Variants in YJEFN3 observed in about 807,000 individuals in gnomAD.
The protein encoded by YJEFN3 is YjeF N-terminal domain containing 3.
A neutral mutation model predicts 31.5 loss-of-function variants in YJEFN3; 29 were observed. The ratio of observed to expected loss-of-function variants is 0.92; its 90% CI spans 0.69 to 1.26. YJEFN3 has a LOEUF of 1.26. Among genes scored for constraint, YJEFN3 ranks in the 50% most tolerant of loss-of-function variants. The pLI is 0.00. For synonymous variants in YJEFN3, 227 were observed against 196.1 expected (o/e 1.16, Z -1.32); for missense variants, 442 against 425.4 (o/e 1.04, Z -0.34).
intron 3 of YJEFN3, chr19:19,533,780 C>G: frequency 1.0e-6 from 1 of 985,384 alleles, no homozygotes; most frequent in South Asian, 4.7e-5. Flanking sequence ...AAATCAAAAC[C>G]CCAGAAAGAA....
At chr19:19,533,378 C>T in intron 3 of YJEFN3, 3 of 985,990 alleles carry the variant, frequency 3.0e-6, no homozygotes, top group Non-Finnish European at 3.6e-6. Flanking sequence ...CTGTCCCATA[C>T]AGTCGAGGCT....
chr19:19,536,066 G>A, intron 6 of YJEFN3: 1 of 509,916 alleles, frequency 2.0e-6, no homozygotes, highest in East Asian at 3.5e-5. Context: ...CCTCCGTGGG[G>A]GTGGCTGGAC....
chr19:19,528,950 C>T lies in YJEFN3; in HGVS notation c.18C>T (p.Gly6=). 1 of 1,549,556 alleles carries T rather than the reference C, an allele frequency of 6.5e-7. No homozygotes were observed. Among genetic ancestry groups the T allele is most frequent in the Non-Finnish European group, 8.7e-7 (1 of 1,146,568 alleles). The change falls in exon 1 of 7, where the codon GGC becomes GGT. Residue 6 remains glycine (G), a synonymous_variant. Coordinates refer to ENST00000514277, the MANE Select transcript of YJEFN3 (RefSeq NM_198537.4). ...CCTCGGCCATGAGCAGCGCAGCCGG[C>T]CCAGACCCGTCGGAGGCGCCCGAAG... MSSAA[G]PDPSEAPEER...
intron 6 of YJEFN3, chr19:19,536,047 C>A: frequency 1.9e-6 from 1 of 521,050 alleles, no homozygotes; most frequent in Non-Finnish European, 3.4e-6. Flanking sequence ...AGCCGCTGGC[C>A]AGCCGGACCC....
intron 3 of YJEFN3, chr19:19,533,160 G>A: frequency 1.0e-6 from 1 of 1,002,464 alleles, no homozygotes; most frequent in Non-Finnish European, 1.2e-6. Context: ...AGAGGGGGAT[G>A]GAAGCAGAGC....
chr19:19,536,396 C>T (rs28553975), intron 6 of YJEFN3, among the ~76,000 whole-genome samples: 11,518 of 152,056 alleles, frequency 0.076, 1,495 homozygotes, highest in African/African-American at 0.26. Context: ...CAAGAGGTGA[C>T]GGAGGCTGGG....
intron 3 of YJEFN3, chr19:19,533,950 CTGCGCTA>C: frequency 1.0e-6 from 1 of 985,616 alleles, no homozygotes; most frequent in Non-Finnish European, 1.2e-6. Context: ...CAGGTCAGGA[CTGCGCTA>C]AGCCTTTGGG....
Position 19,537,460 on chromosome 19 carries a change from T to A in YJEFN3, c.836T>A (p.Val279Glu). The change falls in exon 7 of 7, where the codon GTG becomes GAG. Residue 279 changes from valine to glutamate, a missense_variant. Coordinates refer to ENST00000514277, the MANE Select transcript of YJEFN3 (RefSeq NM_198537.4). Reference protein sequence around the residue: ...FVAGRFVPDDVRRKFALRLPG... With the variant: ...FVAGRFVPDDERRKFALRLPG... ...GCCGGCAGGTTCGTGCCCGATGACG[T>A]GCGCCGCAAGTTCGCTCTGCGCCTG... The A allele has an allele frequency of 6.3e-7, 1 of 1,587,626 alleles. No individual in the cohort carries two copies. Among genetic ancestry groups the A allele is most frequent in the Non-Finnish European group, 8.5e-7 (1 of 1,173,102 alleles).
intron 2 of YJEFN3, among the ~76,000 whole-genome samples, chr19:19,530,581 C>T (rs974587983): frequency 2.0e-5 from 3 of 152,148 alleles, no homozygotes; most frequent in Admixed American, 6.5e-5. Context: ...CACCCTCCTG[C>T]GGGGGCAGCA....
rs1031197156 is a variant in YJEFN3 at position 19,534,125 on chromosome 19, C to T, written c.319-909C>T. On this transcript the variant is annotated intron_variant, in intron 3 of 6. Transcript: ENST00000514277. The surrounding 1 kb of genome is among the most constrained non-coding windows in gnomAD (Gnocchi z 4.6). The stretch of plus-strand genomic sequence containing the variant: ...TCTGGGAGAGAAGGGGCTGGGGCCA[C>T]GCAGAATCAGGGCAGGGCTGGGGCC... 51 of 985,476 alleles carry T rather than the reference C, an allele frequency of 5.2e-5. No individual in the cohort carries two copies. The highest frequency in any genetic ancestry group is 5.8e-5 in the Non-Finnish European group (48 of 830,068). The allele number at this position is 985,476 out of a possible 1,614,324, so 61.0% of individuals were successfully genotyped here. A position where few individuals can be genotyped will look rare whatever the true frequency, so the allele number is the denominator to read the frequency against.
In YJEFN3 at chr19:19,529,410, C is replaced by T; in HGVS notation, c.106C>T (p.Leu36Phe). The change falls in exon 2 of 7, where the codon CTT (leucine) becomes TTT (phenylalanine). Residue 36 changes from leucine to phenylalanine, a missense_variant. By Grantham distance (22) the Leu-to-Phe change is conservative (BLOSUM62 0). Transcript: ENST00000514277. ...PPLADMGRAE[L>F]SSNATTSLVQ... The stretch of plus-strand genomic sequence containing the variant: ...ACTTGCCGACATGGGAAGAGCGGAG[C>T]TTAGCTCAAATGCTACCACCTCCCT... 1 of 1,614,138 alleles carries T rather than the reference C, an allele frequency of 6.2e-7. No individual in the cohort carries two copies. Among genetic ancestry groups the T allele is most frequent in the East Asian group, 2.2e-5 (1 of 44,880 alleles).
At chr19:19,529,121 A>T (rs2061128220) in intron 1 of YJEFN3, 130 bp downstream of exon 1, 2 of 1,479,318 alleles carry the variant, frequency 1.4e-6, no homozygotes, top group African/African-American at 1.4e-5. Context: ...CACAGCCGGG[A>T]TGGAGGTTCA....
chr19:19,528,920 G>C lies in YJEFN3; in HGVS notation c.-13G>C. The C allele has an allele frequency of 6.5e-7, 1 of 1,547,524 alleles. No individual in the cohort carries two copies. Among genetic ancestry groups the C allele is most frequent in the Non-Finnish European group, 8.7e-7 (1 of 1,145,936 alleles). On this transcript the variant is annotated 5_prime_UTR_variant, in exon 1 of 7. Coordinates refer to ENST00000514277, the MANE Select transcript of YJEFN3 (RefSeq NM_198537.4). ...GGTGGCGGCAGCGCCCGGCGCCCGGGCTCACCTCGGCCATGAGCAGCGCAG... is the reference window on the plus strand; with the variant it reads ...GGTGGCGGCAGCGCCCGGCGCCCGGCCTCACCTCGGCCATGAGCAGCGCAG...
In YJEFN3 at chr19:19,534,258, G is replaced by C; in HGVS notation, c.319-776G>C. 2.6e-6 allele frequency: 2 copies of C among 771,808 alleles called. No homozygotes were observed. The highest frequency in any genetic ancestry group is 3.1e-6 in the Non-Finnish European group (2 of 635,698). The allele number at this position is 771,808 out of a possible 1,614,324, so 47.8% of individuals were successfully genotyped here. ...AGACAGCCAGAGACAAATGGAGAGA[G>C]AGACAAATGGAGAAAGAGAGCCAGA... is the stretch of plus-strand genomic sequence containing the variant. On this transcript the variant is annotated intron_variant, in intron 3 of 6. Coordinates refer to ENST00000514277, the MANE Select transcript of YJEFN3 (RefSeq NM_198537.4). This position sits in a 1 kb window ranked among gnomAD's most constrained non-coding sequence, Gnocchi z 4.6.
At chr19:19,529,058 C>T (rs2144651058) in intron 1 of YJEFN3, 67 bp downstream of exon 1, 4 of 1,539,036 alleles carry the variant, frequency 2.6e-6, no homozygotes, top group Middle Eastern at 3.5e-4. Flanking sequence ...GCCCGTAGGA[C>T]CGGAGGCAGG....
Position 19,534,768 on chromosome 19 carries a change from C to T in YJEFN3, c.319-266C>T, listed in dbSNP as rs548941414. On this transcript the variant is annotated intron_variant, in intron 3 of 6. Coordinates refer to ENST00000514277, the MANE Select transcript of YJEFN3 (RefSeq NM_198537.4). This position sits in a 1 kb window ranked among gnomAD's most constrained non-coding sequence, Gnocchi z 4.6. The stretch of plus-strand genomic sequence containing the variant: ...CAACTCAGGCGGAGAATAAACAAAC[C>T]GCACTCCGGGCGACGGGCAGTGGCT... 2.7e-4 allele frequency: 94 copies of T among 350,062 alleles called. No individual in the cohort carries two copies. In the East Asian group the frequency reaches 3.0e-3, roughly 11 times the overall value. The allele number at this position is 350,062 out of a possible 1,614,324, so 21.7% of individuals were successfully genotyped here. A position where few individuals can be genotyped will look rare whatever the true frequency, so the allele number is the denominator to read the frequency against.
At chr19:19,536,839 G>A (rs1254978105) in intron 6 of YJEFN3, among the ~76,000 whole-genome samples, 2 of 151,964 alleles carry the variant, frequency 1.3e-5, no homozygotes, top group Non-Finnish European at 2.9e-5. Flanking sequence ...GCATGGTGGC[G>A]TGTGCCTGTA....
At chr19:19,532,220 G>C (rs903547713) in intron 2 of YJEFN3, among the ~76,000 whole-genome samples, 2 of 152,202 alleles carry the variant, frequency 1.3e-5, no homozygotes, top group South Asian at 2.1e-4. Context: ...AGCTTGTTCC[G>C]TGGCTCCCAC....
chr19:19,534,276 G>C lies in YJEFN3; in HGVS notation c.319-758G>C. On this transcript the variant is annotated intron_variant, in intron 3 of 6. Transcript: ENST00000514277. This position sits in a 1 kb window ranked among gnomAD's most constrained non-coding sequence, Gnocchi z 4.6. ...GGAGAGAGAGACAAATGGAGAAAGA[G>C]AGCCAGAGACATACAGAAAGACAGA... 1 of 660,260 alleles carries C rather than the reference G, an allele frequency of 1.5e-6. No individual in the cohort carries two copies. The allele number at this position is 660,260 out of a possible 1,614,324, so 40.9% of individuals were successfully genotyped here. A position where few individuals can be genotyped will look rare whatever the true frequency, so the allele number is the denominator to read the frequency against.
Sources: allele counts gnomAD v4.1 joint callset (sites outside exome capture counted in the v4.1 genomes callset), GRCh38; gene constraint gnomAD v4.1.1; non-coding constraint Gnocchi (gnomAD v3.1); transcripts MANE v1.5; gene names NCBI Gene and HGNC (gene_info 2026-07-23, HGNC 2026-07-21).